GRAMD1B: variants seen among roughly 807,000 people sequenced by gnomAD.
GRAMD1B encodes the protein GRAM domain containing 1B.
A neutral mutation model predicts 99.7 loss-of-function variants in GRAMD1B; 37 were observed. The observed-to-expected ratio is 0.37, with a 90% confidence interval of 0.29 to 0.49. GRAMD1B has a LOEUF of 0.49. GRAMD1B is among the 20% of genes least tolerant of loss of function. The pLI is 0.98. For synonymous variants in GRAMD1B, 427 were observed against 387.6 expected, an observed-to-expected ratio of 1.10 and a Z score of -1.19; for missense variants, 888 against 1,009.2, an observed-to-expected ratio of 0.88 and a Z score of 1.63.
intron 4 of GRAMD1B, among the ~76,000 whole-genome samples, chr11:123,586,133 G>A (rs1257608756): frequency 1.3e-5 from 2 of 152,122 alleles, no homozygotes; most frequent in Non-Finnish European, 2.9e-5. Flanking sequence ...TCAGCATAGC[G>A]ATGGGGTAGA....
chr11:123,612,894 G>C, intron 15 of GRAMD1B, 30 bp downstream of exon 15: 1 of 1,300,398 alleles, frequency 7.7e-7, no homozygotes, highest in Non-Finnish European at 1.1e-6. Context: ...CTGCTAGCTG[G>C]GCTGCAGAGA....
Position 123,591,314 on chromosome 11 carries a change from G to A in GRAMD1B, c.685-2768G>A. ...TCCACAGTCAAGCCAGGGGAGACCAGTTGTTTTCATCGTGTGGGGACAGTC... is the reference window on the plus strand; with the variant it reads ...TCCACAGTCAAGCCAGGGGAGACCAATTGTTTTCATCGTGTGGGGACAGTC... On this transcript the variant is annotated intron_variant, in intron 4 of 19. Coordinates refer to ENST00000635736, the MANE Select transcript of GRAMD1B (RefSeq NM_001387025.1). This position sits in a 1 kb window ranked among gnomAD's most constrained non-coding sequence, Gnocchi z 4.7. The A allele has an allele frequency of 2.5e-6, 1 of 398,142 alleles. No individual in the cohort carries two copies. Among genetic ancestry groups the A allele is most frequent in the East Asian group, 3.6e-5 (1 of 28,062 alleles). 24.7% of individuals were successfully genotyped at this position (398,142 alleles called of 1,614,324 possible).
intron 1 of GRAMD1B, among the ~76,000 whole-genome samples, chr11:123,433,454 CCTT>C (rs1173331503): frequency 1.3e-5 from 2 of 152,158 alleles, no homozygotes; most frequent in African/African-American, 2.4e-5. Context: ...CTAAAAGAGA[CCTT>C]CTTTTGATCT....
chr11:123,579,206 A>AGG (rs1347365697), intron 3 of GRAMD1B, among the ~76,000 whole-genome samples: 1 of 152,164 alleles, frequency 6.6e-6, no homozygotes, highest in East Asian at 1.9e-4. Context: ...CAGCGAGTGG[A>AGG]GGGTGAGCGA....
Position 123,395,708 on chromosome 11 carries a change from G to T in GRAMD1B, c.-176+36909G>T, listed in dbSNP as rs77027101. ...TCAGACCAAAGAGATGAGAATCTTT[G>T]TGGGTGAGACCCAGGCATCAGTATT... On this transcript the variant is annotated intron_variant, in intron 1 of 20. Transcript: ENST00000638157. Among the ~76,000 whole-genome samples, 1,222 of 152,278 alleles carry T rather than the reference G, an allele frequency of 8.0e-3. 17 individuals are homozygous for T. The highest frequency in any genetic ancestry group is 0.028 in the African/African-American group (1,165 of 41,542).
intron 2 of GRAMD1B, among the ~76,000 whole-genome samples, chr11:123,554,785 C>CCTCTTGTTATAACAGATGT (rs1243653141): frequency 2.1e-4 from 32 of 152,240 alleles, no homozygotes; most frequent in Middle Eastern, 3.4e-3. Flanking sequence ...ATAACAGATG[C>CCTCTTGTTATAACAGATGT]CTCTTGTTAT....
chr11:123,618,912 GAGCCCACA>G, intron 18 of GRAMD1B, 112 bp downstream of exon 18: 1 of 729,952 alleles, frequency 1.4e-6, no homozygotes, highest in Non-Finnish European at 2.4e-6. Context: ...CCTCTGGGAT[GAGCCCACA>G]GGGAAACTCA....
At chr11:123,446,620 A>G (rs1221215030) in intron 1 of GRAMD1B, among the ~76,000 whole-genome samples, 2 of 152,136 alleles carry the variant, frequency 1.3e-5, no homozygotes, top group East Asian at 3.9e-4. Flanking sequence ...TGCCTTCTCC[A>G]TGCTTGGATT....
At chr11:123,532,769 A>T (rs1224131113) in intron 2 of GRAMD1B, among the ~76,000 whole-genome samples, 1 of 152,190 alleles carries the variant, frequency 6.6e-6, no homozygotes, top group African/African-American at 2.4e-5. Flanking sequence ...AATTATATGA[A>T]ATTCCATACG....
Position 123,368,695 on chromosome 11 carries a change from A to AG in GRAMD1B, c.-176+9896_-176+9897insG, listed in dbSNP as rs1482475835. ...ACTCTGTCTCAAAAAAAAAAAAAAA[A>AG]AAAAAAAGAAAGAAAGAAAGAAAAA... On this transcript the variant is annotated intron_variant, in intron 1 of 20. Transcript: ENST00000638157. Among the ~76,000 whole-genome samples, 45 of 148,330 alleles carry AG rather than the reference A, an allele frequency of 3.0e-4. No individual in the cohort carries two copies. In the East Asian group the frequency reaches 7.4e-3, roughly 24 times the overall value.
At chr11:123,586,575 G>A (rs1341178694) in intron 4 of GRAMD1B, among the ~76,000 whole-genome samples, 1 of 152,202 alleles carries the variant, frequency 6.6e-6, no homozygotes, top group Non-Finnish European at 1.5e-5. Flanking sequence ...TGCTCCTTCA[G>A]TGTGCAGTGC....
chr11:123,435,326 G>A, intron 1 of GRAMD1B: 5 of 665,522 alleles, frequency 7.5e-6, no homozygotes, highest in Non-Finnish European at 1.4e-5. Context: ...TAGAAGTTAA[G>A]TGGCTGAGAG....
Position 123,412,321 on chromosome 11 carries a change from A to G in GRAMD1B, c.-176+53522A>G, listed in dbSNP as rs117349384. Among the ~76,000 whole-genome samples the G allele has an allele frequency of 2.2e-4, 34 of 152,376 alleles. 1 individual carries two copies. The East Asian group carries it at 4.4e-3, about 20-fold the overall frequency. ...TAATTATTGCTGTTAAAGAAAAACT[A>G]AAGCCATTTGTTGTGTGCCTATCAT... On this transcript the variant is annotated intron_variant, in intron 1 of 20. Coordinates refer to the GRAMD1B transcript ENST00000638157.
At chr11:123,597,829 G>T in intron 7 of GRAMD1B, 1 of 657,796 alleles carries the variant, frequency 1.5e-6, no homozygotes. Context: ...TTGCATGCTA[G>T]ACCATGAAAC....
rs776012081 is a variant in GRAMD1B at position 123,407,221 on chromosome 11, A to T, written c.-176+48422A>T. ...GTGAGCTGATCTGAAAATCCCAAAC[A>T]AATGGAAAGCTGAACATTCCAGACT... On this transcript the variant is annotated intron_variant, in intron 1 of 20. Transcript: ENST00000638157. 2.6e-5 allele frequency among the ~76,000 whole-genome samples: 4 copies of T among 152,310 alleles called. No individual in the cohort carries two copies. In the South Asian group the frequency reaches 6.2e-4, roughly 24 times the overall value.
At chr11:123,450,472 CT>C (rs1565508583) in intron 1 of GRAMD1B, among the ~76,000 whole-genome samples, 3 of 152,176 alleles carry the variant, frequency 2.0e-5, no homozygotes, top group African/African-American at 7.2e-5. Context: ...AGAGTCTGCC[CT>C]ACAGGGGCTT....
intron 2 of GRAMD1B, among the ~76,000 whole-genome samples, chr11:123,485,139 GA>G (rs1951820060): frequency 6.6e-6 from 1 of 152,150 alleles, no homozygotes; most frequent in Non-Finnish European, 1.5e-5. Context: ...GGATGAGGTG[GA>G]TATTATGGAT....
intron 2 of GRAMD1B, among the ~76,000 whole-genome samples, chr11:123,521,100 A>T (rs1175397759): frequency 6.6e-6 from 1 of 152,176 alleles, no homozygotes; most frequent in African/African-American, 2.4e-5. Context: ...TTGGAGTAGA[A>T]CTGTTACGTA....
At chr11:123,416,386 G>A (rs534674960) in intron 1 of GRAMD1B, among the ~76,000 whole-genome samples, 421 of 152,280 alleles carry the variant, frequency 2.8e-3, no homozygotes, top group African/African-American at 9.5e-3. Flanking sequence ...AATCTGAGAT[G>A]CTGACCAGCC....
Sources: allele counts gnomAD v4.1 joint callset (sites outside exome capture counted in the v4.1 genomes callset), GRCh38; gene constraint gnomAD v4.1.1; non-coding constraint Gnocchi (gnomAD v3.1); transcripts MANE v1.5; gene names NCBI Gene and HGNC (gene_info 2026-07-23, HGNC 2026-07-21).